ERC1: variants seen among roughly 807,000 people sequenced by gnomAD.
The protein encoded by ERC1 is ELKS/RAB6-interacting/CAST family member 1.
A neutral mutation model predicts 132.0 loss-of-function variants in ERC1; 56 were observed. That is an observed-to-expected ratio of 0.42 (90% confidence interval 0.34 to 0.53). The LOEUF (loss-of-function observed/expected upper bound fraction) is 0.53. ERC1 is among the 20% of genes least tolerant of loss of function. The pLI, the probability that ERC1 is intolerant of heterozygous loss-of-function variation, is 0.03. For synonymous variants in ERC1, 478 were observed against 476.1 expected (o/e 1.00, Z -0.05); for missense variants, 1,202 against 1,349.9 (o/e 0.89, Z 1.72).
At chr12:1,430,271 G>T (rs116047422) in intron 17 of ERC1, 1 of 152,106 alleles carries the variant, frequency 6.6e-6, no homozygotes, top group Non-Finnish European at 1.5e-5. Context: ...ACATCCCTTC[G>T]GCCACATTCT....
chr12:1,070,711 T>C (rs1254840451), intron 2 of ERC1, among the ~76,000 whole-genome samples: 3 of 152,216 alleles, frequency 2.0e-5, no homozygotes, highest in Admixed American at 1.3e-4. Flanking sequence ...GGTTGAGATA[T>C]AGTTTCCATA....
chr12:1,126,266 C>T (rs1235411580), intron 7 of ERC1, among the ~76,000 whole-genome samples: 4 of 152,074 alleles, frequency 2.6e-5, no homozygotes, highest in East Asian at 1.9e-4. Context: ...ATAAACCAAA[C>T]GAAACCAAAC....
At chr12:1,392,937 G>A (rs557396216) in intron 16 of ERC1, among the ~76,000 whole-genome samples, 5 of 152,270 alleles carry the variant, frequency 3.3e-5, no homozygotes, top group Admixed American at 2.0e-4. Flanking sequence ...ATGTAACCAC[G>A]TATGTTTGTA....
chr12:1,412,736 A>G (rs1169393129), intron 17 of ERC1, among the ~76,000 whole-genome samples: 1 of 152,196 alleles, frequency 6.6e-6, no homozygotes, highest in Non-Finnish European at 1.5e-5. Context: ...AAATGGGTTT[A>G]TGAATAATGC....
chr12:1,365,210 CTCTT>C (rs2086541884), intron 15 of ERC1, among the ~76,000 whole-genome samples: 1 of 152,134 alleles, frequency 6.6e-6, no homozygotes, highest in Non-Finnish European at 1.5e-5. Context: ...AAAAACACAG[CTCTT>C]TCTTTCTTTA....
chr12:1,128,162 C>T (rs1455866529), intron 7 of ERC1, among the ~76,000 whole-genome samples: 3 of 152,152 alleles, frequency 2.0e-5, no homozygotes, highest in Admixed American at 2.0e-4. Flanking sequence ...ATTAGTTAAT[C>T]ACTTGTGGAT....
At chr12:1,094,415 C>CTCTTTTTTT (rs376372967) in intron 3 of ERC1, among the ~76,000 whole-genome samples, 5 of 137,990 alleles carry the variant, frequency 3.6e-5, no homozygotes, top group Non-Finnish European at 4.7e-5. Flanking sequence ...CCTTCTCTCT[C>CTCTTTTTTT]TTTTTTTTTT....
rs549007319 is a variant in ERC1, at chr12:1,106,889, T to C, written c.1161+2065T>C. Reference sequence around the variant, plus strand: ...CCATTCTGCTAAGAAGGAGAAAGATTCTGGTGGCCCAGTGGGGTCAAGAGG... The same window carrying C: ...CCATTCTGCTAAGAAGGAGAAAGATCCTGGTGGCCCAGTGGGGTCAAGAGG... On this transcript the variant is annotated intron_variant, in intron 4 of 18. Coordinates refer to ENST00000360905, the MANE Select transcript of ERC1 (RefSeq NM_178040.4). 9.8e-5 allele frequency among the ~76,000 whole-genome samples: 15 copies of C among 152,352 alleles called. No individual in the cohort carries two copies. The East Asian group carries it at 2.9e-3, about 29-fold the overall frequency.
At chr12:1,339,411 G>A (rs972273003) in intron 15 of ERC1, among the ~76,000 whole-genome samples, 1 of 143,430 alleles carries the variant, frequency 7.0e-6, no homozygotes, top group African/African-American at 2.8e-5. Context: ...GGACAACTGT[G>A]ACGGGGTGCT....
intron 2 of ERC1, among the ~76,000 whole-genome samples, chr12:1,053,713 C>T (rs1972440824): frequency 6.6e-6 from 1 of 152,172 alleles, no homozygotes; most frequent in Non-Finnish European, 1.5e-5. Flanking sequence ...AACTCTTTAT[C>T]TTCACTCATT....
At chr12:1,177,519 GC>G (rs1164163019) in intron 8 of ERC1, among the ~76,000 whole-genome samples, 2 of 152,172 alleles carry the variant, frequency 1.3e-5, no homozygotes, top group African/African-American at 4.8e-5. Flanking sequence ...GAATAGGAAG[GC>G]TGACACAGAG....
chr12:1,464,369 C>T (rs2154424085), intron 18 of ERC1, among the ~76,000 whole-genome samples: 2 of 152,244 alleles, frequency 1.3e-5, no homozygotes, highest in South Asian at 4.2e-4. Context: ...TTCCCCTCAC[C>T]TCTAAACTAC....
intron 8 of ERC1, among the ~76,000 whole-genome samples, chr12:1,144,192 T>C (rs1349754596): frequency 1.3e-5 from 2 of 152,230 alleles, no homozygotes; most frequent in African/African-American, 4.8e-5. Flanking sequence ...TGTGTTAGAA[T>C]TGATAGCTAC....
intron 18 of ERC1, among the ~76,000 whole-genome samples, chr12:1,489,775 C>T (rs2094298310): frequency 1.3e-5 from 2 of 152,158 alleles, no homozygotes; most frequent in Non-Finnish European, 2.9e-5. Context: ...CACCATGCCC[C>T]TCTCTCCTGC....
chr12:1,411,316 A>G (rs78628701), intron 17 of ERC1, among the ~76,000 whole-genome samples: 4,886 of 152,258 alleles, frequency 0.032, 299 homozygotes, highest in African/African-American at 0.11. Context: ...CACTCCCTGG[A>G]TTCACTGCCC....
intron 17 of ERC1, among the ~76,000 whole-genome samples, chr12:1,425,805 A>G (rs991065022): frequency 6.6e-6 from 1 of 152,212 alleles, no homozygotes; most frequent in African/African-American, 2.4e-5. Context: ...AACATGAATT[A>G]TCCAAGAAAA....
At chr12:1,381,852 C>CT (rs572630550) in intron 16 of ERC1, among the ~76,000 whole-genome samples, 2 of 152,088 alleles carry the variant, frequency 1.3e-5, no homozygotes, top group African/African-American at 2.4e-5. Context: ...CCATTCTGTG[C>CT]TTTTTTTCAT....
chr12:1,110,835 T>G (rs1340044802), intron 5 of ERC1, among the ~76,000 whole-genome samples: 1 of 152,122 alleles, frequency 6.6e-6, no homozygotes, highest in Non-Finnish European at 1.5e-5. Flanking sequence ...CCCAAGTAGC[T>G]GGGATTACAG....
At chr12:1,101,112 T>C (rs1363240456) in intron 3 of ERC1, among the ~76,000 whole-genome samples, 1 of 152,148 alleles carries the variant, frequency 6.6e-6, no homozygotes, top group Admixed American at 6.5e-5. Context: ...GTGACCCTGA[T>C]GAATTGCATA....
Sources: gnomAD v4.1 joint callset for allele counts (sites outside exome capture counted in the v4.1 genomes callset) on GRCh38, gnomAD v4.1.1 for gene constraint, MANE v1.5 for transcripts, NCBI Gene and HGNC (gene_info 2026-07-23, HGNC 2026-07-21) for gene names.